LYZL4: variants seen among roughly 807,000 people sequenced by gnomAD.
LYZL4 encodes lysozyme like 4, also known as lysozyme-like protein 4.
LYZL4 carries 13 observed loss-of-function variants against 17.6 expected under a neutral mutation model. That is an observed-to-expected ratio of 0.74 (90% CI 0.48 to 1.18). The LOEUF is 1.18. LYZL4 is among the 50% of genes most tolerant of loss of function. The pLI is 0.00. For synonymous variants in LYZL4, 64 were observed against 67.7 expected, an observed-to-expected ratio of 0.95 and a Z score of 0.27; for missense variants, 174 against 188.2, an observed-to-expected ratio of 0.92 and a Z score of 0.44.
the LYZL4 span, among the ~76,000 whole-genome samples, chr3:42,383,523 T>G: frequency 6.6e-6 from 1 of 150,554 alleles, no homozygotes; most frequent in Admixed American, 6.6e-5. Context: ...AACTGAAAGC[T>G]CCAATCAGCT....
downstream of LYZL4, among the ~76,000 whole-genome samples, chr3:42,392,731 T>C (rs916375019): frequency 2.6e-5 from 4 of 152,086 alleles, no homozygotes; most frequent in Admixed American, 6.5e-5. Context: ...GTGAGGGTGA[T>C]AGGACCAATC....
the LYZL4 span, among the ~76,000 whole-genome samples, chr3:42,377,422 G>A: frequency 3.7e-4 from 57 of 152,122 alleles, no homozygotes; most frequent in Non-Finnish European, 7.6e-4. Context: ...TATACCAGGT[G>A]CCATTCTGAG....
At chr3:42,363,834 G>A in the LYZL4 span, among the ~76,000 whole-genome samples, 7 of 152,262 alleles carry the variant, frequency 4.6e-5, no homozygotes, top group Admixed American at 2.6e-4. Flanking sequence ...CTAAGCATTC[G>A]TATGGTGCCA....
the LYZL4 span, among the ~76,000 whole-genome samples, chr3:42,381,164 G>A: frequency 6.6e-6 from 1 of 152,182 alleles, no homozygotes; most frequent in Admixed American, 6.5e-5. Flanking sequence ...AGGCTACTGA[G>A]GTCTAGAGTG....
chr3:42,366,774 C>G, the LYZL4 span, among the ~76,000 whole-genome samples: 1 of 152,226 alleles, frequency 6.6e-6, no homozygotes, highest in African/African-American at 2.4e-5. Context: ...GTGCCAGGCC[C>G]TGCTTTAAGG....
chr3:42,402,688 T>C (rs140136108), intron 4 of LYZL4, among the ~76,000 whole-genome samples: 1 of 152,366 alleles, frequency 6.6e-6, no homozygotes, highest in Non-Finnish European at 1.5e-5. Flanking sequence ...GATAAAAATC[T>C]CTTTAGAAAA....
At chr3:42,398,092 C>A (rs537197727) in intron 4 of LYZL4, among the ~76,000 whole-genome samples, 1 of 152,286 alleles carries the variant, frequency 6.6e-6, no homozygotes, top group South Asian at 2.1e-4. Context: ...GACCTCTGGC[C>A]CCTCATAGTT....
chr3:42,379,901 T>C, the LYZL4 span, among the ~76,000 whole-genome samples: 1 of 152,170 alleles, frequency 6.6e-6, no homozygotes, highest in Non-Finnish European at 1.5e-5. Context: ...GGATTAGTGC[T>C]CTTACAAAAA....
chr3:42,407,030 G>A (rs1698768518), intron 2 of LYZL4, 32 bp from the exon 3 acceptor site: 1 of 1,613,918 alleles, frequency 6.2e-7, no homozygotes, highest in South Asian at 1.1e-5. Context: ...GTGACTCTGA[G>A]GACAGCTGGA....
the LYZL4 span, among the ~76,000 whole-genome samples, chr3:42,367,059 A>T: frequency 1.3e-5 from 2 of 152,192 alleles, no homozygotes; most frequent in Admixed American, 1.3e-4. Context: ...GTGGCCTTAG[A>T]CCAGTGCCAT....
intron 3 of LYZL4, among the ~76,000 whole-genome samples, chr3:42,404,344 T>A (rs1698711700): frequency 6.6e-6 from 1 of 152,176 alleles, no homozygotes; most frequent in African/African-American, 2.4e-5. Flanking sequence ...TCTTATAAAA[T>A]TTTTTCCATT....
chr3:42,377,717 G>C, the LYZL4 span, among the ~76,000 whole-genome samples: 1 of 151,254 alleles, frequency 6.6e-6, no homozygotes, highest in Non-Finnish European at 1.5e-5. Context: ...GAGGTAATTT[G>C]ACTATTATCT....
intron 4 of LYZL4, among the ~76,000 whole-genome samples, chr3:42,401,651 A>G (rs1488776894): frequency 1.3e-5 from 2 of 152,266 alleles, no homozygotes; most frequent in Non-Finnish European, 2.9e-5. Context: ...AGATTAAAAA[A>G]AGACAATAGT....
chr3:42,394,821 T>C (rs1320126292), downstream of LYZL4, among the ~76,000 whole-genome samples: 3 of 152,134 alleles, frequency 2.0e-5, no homozygotes, highest in African/African-American at 4.8e-5. Context: ...GCAGAAGCAA[T>C]GGGCTGGAAA....
At chr3:42,369,860 T>G in the LYZL4 span, among the ~76,000 whole-genome samples, 26,915 of 152,136 alleles carry the variant, frequency 0.18, 6,262 homozygotes, top group African/African-American at 0.53. Flanking sequence ...GCTGCTCCCT[T>G]CGAGTTCAGT....
intron 1 of LYZL4, among the ~76,000 whole-genome samples, chr3:42,408,921 G>A (rs1698813669): frequency 6.6e-6 from 1 of 152,112 alleles, no homozygotes; most frequent in Non-Finnish European, 1.5e-5. Flanking sequence ...GGACAAAATT[G>A]CCCCCTGTTG....
chr3:42,374,998 A>T, the LYZL4 span, among the ~76,000 whole-genome samples: 1 of 152,026 alleles, frequency 6.6e-6, no homozygotes, highest in South Asian at 2.1e-4. Context: ...TTTAGTGGAG[A>T]CCAGGTTTCA....
chr3:42,377,921 A>G, the LYZL4 span, among the ~76,000 whole-genome samples: 1 of 152,204 alleles, frequency 6.6e-6, no homozygotes, highest in Non-Finnish European at 1.5e-5. Flanking sequence ...GTGCACTGAC[A>G]TTACCATGAC....
At chr3:42,366,004 G>A in the LYZL4 span, among the ~76,000 whole-genome samples, 1 of 152,046 alleles carries the variant, frequency 6.6e-6, no homozygotes, top group Non-Finnish European at 1.5e-5. Flanking sequence ...TTACTCTATT[G>A]AATTAAACGT....
Sources: gnomAD v4.1 joint callset for allele counts (sites outside exome capture counted in the v4.1 genomes callset) on GRCh38, gnomAD v4.1.1 for gene constraint, MANE v1.5 for transcripts, NCBI Gene and HGNC (gene_info 2026-07-23, HGNC 2026-07-21) for gene names.